The following WNT11 variants were observed in gnomAD, a reference collection of about 807,000 sequenced individuals.
WNT11 encodes the protein Wnt family member 11.
Under a neutral mutation model 35.6 loss-of-function variants are expected in WNT11, and 20 were observed. That is an observed-to-expected ratio of 0.56 (90% CI 0.40 to 0.82). WNT11 has a LOEUF of 0.82. Ranked by LOEUF, WNT11 falls within the 40% of genes least tolerant of loss-of-function variation. WNT11 has a pLI of 0.00. For missense variants in WNT11, 459 were observed against 504.4 expected (o/e 0.91, Z 0.86); for synonymous variants, 200 against 211.9 (o/e 0.94, Z 0.49).
chr11:76,192,510 G>A (rs1953202368), intron 3 of WNT11, among the ~76,000 whole-genome samples: 1 of 152,262 alleles, frequency 6.6e-6, no homozygotes, highest in Non-Finnish European at 1.5e-5. Context: ...CAGGGCCTCT[G>A]TCTTCTTTCG....
Position 76,186,821 on chromosome 11 carries a change from G to T in WNT11, c.*244C>A. On this transcript the variant is annotated 3_prime_UTR_variant, in exon 5 of 5. Transcript: ENST00000322563. ...TACACCAGCCTGTGGGCACTCCAGA[G>T]CCTCAGGCTGCCAAGTTATTTTTAA... The T allele has an allele frequency of 1.6e-6, 1 of 640,186 alleles. No homozygotes were observed. The highest frequency in any genetic ancestry group is 2.9e-6 in the Non-Finnish European group (1 of 350,516). 39.7% of individuals were successfully genotyped at this position (640,186 alleles called of 1,614,324 possible).
At chr11:76,203,478 C>T (rs1433444966) in intron 1 of WNT11, among the ~76,000 whole-genome samples, 1 of 152,200 alleles carries the variant, frequency 6.6e-6, no homozygotes, top group African/African-American at 2.4e-5. Context: ...GAGAGTGGGA[C>T]TCCCCTCAAA....
upstream of WNT11, among the ~76,000 whole-genome samples, chr11:76,209,727 T>G (rs992469769): frequency 9.2e-5 from 14 of 151,692 alleles, no homozygotes; most frequent in African/African-American, 3.4e-4. Flanking sequence ...GCACTCGAGA[T>G]CCCTCCTGCT....
chr11:76,203,302 C>T (rs3016398), intron 1 of WNT11, among the ~76,000 whole-genome samples: 48,474 of 152,140 alleles, frequency 0.32, 8,106 homozygotes, highest in East Asian at 0.55. Flanking sequence ...CCCAGTCTGG[C>T]GCTCCTTCCA....
chr11:76,192,077 G>A (rs1477752821), intron 3 of WNT11, among the ~76,000 whole-genome samples: 4 of 152,190 alleles, frequency 2.6e-5, no homozygotes, highest in Admixed American at 2.0e-4. Flanking sequence ...CATTTTCAGG[G>A]ATAGGGATGC....
At chr11:76,198,423 G>T (rs938719327) in intron 1 of WNT11, among the ~76,000 whole-genome samples, 18 of 152,122 alleles carry the variant, frequency 1.2e-4, no homozygotes, top group African/African-American at 4.3e-4. Context: ...CTCAAAGCCT[G>T]GCCTCCCAGC....
rs113693154 is a variant in WNT11 at position 76,194,738 on chromosome 11, G to A, written c.426C>T (p.Pro142=). The change falls in exon 3 of 5, where the codon CCC becomes CCT. Residue 142 remains proline, a synonymous_variant. Coordinates refer to ENST00000322563, the MANE Select transcript of WNT11 (RefSeq NM_004626.3). The surrounding 1 kb of genome is among the most constrained non-coding windows in gnomAD (Gnocchi z 5.4). ...SGDLPGCSCG[P]VPGEPPGPGN... The stretch of plus-strand genomic sequence containing the variant: ...CGGGCCCGGGTGGCTCACCTGGGAC[G>A]GGGCCGCAGGAGCAGCCGGGCAGGT... The A allele has an allele frequency of 3.9e-3, 6,059 of 1,550,926 alleles. 26 individuals are homozygous for A. The highest frequency in any genetic ancestry group is 4.8e-3 in the Non-Finnish European group (5,528 of 1,147,654).
intron 1 of WNT11, among the ~76,000 whole-genome samples, chr11:76,200,509 A>G (rs925594409): frequency 6.6e-6 from 1 of 152,308 alleles, no homozygotes; most frequent in African/African-American, 2.4e-5. Context: ...AAACAGCTCC[A>G]TATGGGCATG....
upstream of WNT11, chr11:76,210,613 GAA>G (rs1953557735): frequency 1.0e-6 from 1 of 985,206 alleles, no homozygotes; most frequent in Non-Finnish European, 1.2e-6. Context: ...AGCGGCGCGA[GAA>G]GGACGCCGGG....
At chr11:76,203,809 G>A (rs181879496) in intron 1 of WNT11, among the ~76,000 whole-genome samples, 3 of 152,322 alleles carry the variant, frequency 2.0e-5, no homozygotes, top group East Asian at 3.9e-4. Flanking sequence ...CCAGGCCAGC[G>A]GAGGCTCCTG....
intron 4 of WNT11, among the ~76,000 whole-genome samples, chr11:76,187,642 T>C (rs988340645): frequency 1.4e-5 from 2 of 143,856 alleles, no homozygotes; most frequent in Non-Finnish European, 3.0e-5. Flanking sequence ...CACACCACCA[T>C]GTCCGGCTAA....
intron 4 of WNT11, among the ~76,000 whole-genome samples, chr11:76,187,777 C>T (rs1438825302): frequency 6.6e-6 from 1 of 152,198 alleles, no homozygotes; most frequent in East Asian, 1.9e-4. Flanking sequence ...AGCTGCTGTG[C>T]CCAGCCTTGT....
intron 1 of WNT11, among the ~76,000 whole-genome samples, chr11:76,197,242 TA>T (rs1470754630): frequency 1.3e-5 from 2 of 152,258 alleles, no homozygotes; most frequent in East Asian, 3.8e-4. Flanking sequence ...ATGTGATTAC[TA>T]AACCCATTTA....
chr11:76,194,991 T>A lies in WNT11; in HGVS notation c.320-147A>T. On this transcript the variant is annotated intron_variant, in intron 2 of 4. Coordinates refer to ENST00000322563, the MANE Select transcript of WNT11 (RefSeq NM_004626.3). This position sits in a 1 kb window ranked among gnomAD's most constrained non-coding sequence, Gnocchi z 5.4. Reference sequence around the variant, plus strand: ...ACTAGGGCCATTGAGATGTCACCCCTGCTTCCCCAATTCCTTCTGAATATA... The same window carrying A: ...ACTAGGGCCATTGAGATGTCACCCCAGCTTCCCCAATTCCTTCTGAATATA... 1.0e-6 allele frequency: 1 copy of A among 989,442 alleles called. No homozygotes were observed. Among genetic ancestry groups the A allele is most frequent in the Middle Eastern group, 3.2e-4 (1 of 3,080 alleles). 61.3% of individuals were successfully genotyped at this position (989,442 alleles called of 1,614,324 possible). A position where few individuals can be genotyped will look rare whatever the true frequency, so the allele number is the denominator to read the frequency against.
At chr11:76,206,279 GC>G (rs754516731) in intron 1 of WNT11, 45 bp downstream of exon 1, 5 of 1,385,604 alleles carry the variant, frequency 3.6e-6, no homozygotes, top group South Asian at 1.6e-5. Context: ...GCCCTCCGCC[GC>G]CCCAGTCCCT....
At chr11:76,189,261 C>T (rs192501319) in intron 4 of WNT11, among the ~76,000 whole-genome samples, 216 of 152,348 alleles carry the variant, frequency 1.4e-3, no homozygotes, top group African/African-American at 5.1e-3. Flanking sequence ...TTCTGGATCC[C>T]TGACATGCAT....
upstream of WNT11, among the ~76,000 whole-genome samples, chr11:76,208,954 G>A (rs959352491): frequency 2.0e-5 from 3 of 152,124 alleles, no homozygotes; most frequent in Admixed American, 6.5e-5. Flanking sequence ...GAAGCCCCCA[G>A]CCCGCCAGGG....
At chr11:76,199,305 T>A (rs1047830000) in intron 1 of WNT11, among the ~76,000 whole-genome samples, 1 of 151,950 alleles carries the variant, frequency 6.6e-6, no homozygotes, top group African/African-American at 2.4e-5. Flanking sequence ...GGCAACATAG[T>A]GAGAGCCGTC....
At position 76,186,889 on chromosome 11, in the gene WNT11, G is replaced by T. The variant is rs1953103415; in HGVS notation, c.*176C>A. On this transcript the variant is annotated 3_prime_UTR_variant, in exon 5 of 5. Transcript: ENST00000322563. ...GATGTCCTGCCCTCCTTCCAGGGTG[G>T]CCAGACCTTCTGTTCCTGGTGGCTT... 2.1e-6 allele frequency: 2 copies of T among 949,516 alleles called. No individual in the cohort carries two copies. The highest frequency in any genetic ancestry group is 2.0e-5 in the Admixed American group (1 of 50,142). 58.8% of individuals were successfully genotyped at this position (949,516 alleles called of 1,614,324 possible).
Sources: allele counts gnomAD v4.1 joint callset (sites outside exome capture counted in the v4.1 genomes callset), GRCh38; gene constraint gnomAD v4.1.1; non-coding constraint Gnocchi (gnomAD v3.1); transcripts MANE v1.5; gene names NCBI Gene and HGNC (gene_info 2026-07-23, HGNC 2026-07-21).